Variants in ASMTL observed in about 807,000 individuals in gnomAD.
The protein encoded by ASMTL is acetylserotonin O-methyltransferase like.
In ASMTL, 57 loss-of-function variants were observed where a neutral mutation model predicts 60.3. That is an observed-to-expected ratio of 0.95 (90% CI 0.76 to 1.18). The LOEUF (loss-of-function observed/expected upper bound fraction) is 1.18, where lower values mean the gene tolerates loss of function less well. Ranked by LOEUF, ASMTL falls within the 50% of genes most tolerant of loss-of-function variation. The probability of loss-of-function intolerance (pLI) is 0.00; values close to 1 mark genes in which losing one functional copy is unlikely to be tolerated. For synonymous variants in ASMTL, 419 were observed against 373.0 expected, an observed-to-expected ratio of 1.12 and a Z score of -1.42; for missense variants, 981 against 852.6, an observed-to-expected ratio of 1.15 and a Z score of -1.88.
In ASMTL at chrX:1,423,532, T is replaced by TCATC. The variant is rs1185577583; in HGVS notation, c.1061-1694_1061-1691dup. Among the ~76,000 whole-genome samples the TCATC allele has an allele frequency of 1.6e-4, 25 of 152,088 alleles. 1 individual carries two copies. The highest frequency in any genetic ancestry group is 2.1e-4 in the Non-Finnish European group (14 of 67,950). ...TCTGTTCAATTCAGAAAACACATTG[T>TCATC]CATCCATCCATCCATCCACCCACTC... On this transcript the variant is annotated intron_variant, in intron 8 of 12. Transcript: ENST00000381317.
intron 5 of ASMTL, among the ~76,000 whole-genome samples, chrX:1,432,623 T>C (rs866139354): frequency 3.3e-5 from 5 of 149,450 alleles, no homozygotes. Flanking sequence ...AGGTCAGGAG[T>C]TCGAGACCAT....
At chrX:1,418,902 T>C in intron 10 of ASMTL, 80 bp downstream of exon 10, 1 of 1,565,224 alleles carries the variant, frequency 6.4e-7, no homozygotes, top group Non-Finnish European at 8.8e-7. Flanking sequence ...AAAAGGCAGT[T>C]GGTAGGTGTC....
chrX:1,406,112 G>T (rs1408969488), intron 12 of ASMTL, among the ~76,000 whole-genome samples: 1 of 150,420 alleles, frequency 6.6e-6, no homozygotes, highest in Non-Finnish European at 1.5e-5. Context: ...GGGTAGGTAG[G>T]TAGGTAGATG....
At chrX:1,420,797 C>T (rs1347976424) in intron 9 of ASMTL, among the ~76,000 whole-genome samples, 3 of 152,138 alleles carry the variant, frequency 2.0e-5, no homozygotes, top group African/African-American at 7.2e-5. Flanking sequence ...CCAACTCCTT[C>T]CTATTTCTAT....
intron 8 of ASMTL, among the ~76,000 whole-genome samples, chrX:1,423,162 C>T (rs774795921): frequency 1.3e-5 from 2 of 152,226 alleles, no homozygotes; most frequent in East Asian, 3.9e-4. Flanking sequence ...CCGTGTTAGC[C>T]AGGATGGTCT....
At chrX:1,433,432 G>A (rs1246077711) in intron 5 of ASMTL, among the ~76,000 whole-genome samples, 3 of 149,666 alleles carry the variant, frequency 2.0e-5, no homozygotes, top group African/African-American at 7.4e-5. Flanking sequence ...TTGGGAGGCC[G>A]AGGCGGGCGG....
chrX:1,438,589 C>G (rs1264050672), intron 3 of ASMTL, among the ~76,000 whole-genome samples: 5 of 152,214 alleles, frequency 3.3e-5, no homozygotes, highest in Admixed American at 2.6e-4. Flanking sequence ...TCTCGGCTCA[C>G]TGCAACCCCG....
Position 1,452,893 on chromosome X carries a change from T to G in ASMTL, c.-53A>C. On this transcript the variant is annotated 5_prime_UTR_variant, in exon 1 of 13. Coordinates refer to ENST00000381317, the MANE Select transcript of ASMTL (RefSeq NM_004192.4). ...GCACTTCTGAGCCCGGAGCCCGCGG[T>G]GCGCGCAGCGCGGCTGCAAAAAAAA... 2 of 1,377,794 alleles carry G rather than the reference T, an allele frequency of 1.5e-6. No individual in the cohort carries two copies. The highest frequency in any genetic ancestry group is 2.8e-5 in the East Asian group (1 of 35,194). 85.3% of individuals were successfully genotyped at this position (1,377,794 alleles called of 1,614,324 possible). A position where few individuals can be genotyped will look rare whatever the true frequency, so the allele number is the denominator to read the frequency against.
intron 10 of ASMTL, 137 bp downstream of exon 10, chrX:1,418,845 G>A: frequency 1.8e-6 from 2 of 1,099,494 alleles, no homozygotes; most frequent in Non-Finnish European, 2.6e-6. Flanking sequence ...CCATGATCTG[G>A]GACTCAGCCT....
At chrX:1,449,908 T>C (rs187841568) in intron 1 of ASMTL, among the ~76,000 whole-genome samples, 1 of 123,266 alleles carries the variant, frequency 8.1e-6, no homozygotes. Context: ...ACCCAGTAAC[T>C]ATCCCACCAT....
At chrX:1,433,406 C>T (rs1184334144) in intron 5 of ASMTL, among the ~76,000 whole-genome samples, 9 of 150,342 alleles carry the variant, frequency 6.0e-5, no homozygotes, top group Non-Finnish European at 1.0e-4. Context: ...TGGCTCACGC[C>T]TGTCATCCCA....
intron 3 of ASMTL, among the ~76,000 whole-genome samples, chrX:1,438,408 C>T (rs1258735413): frequency 2.0e-5 from 3 of 152,236 alleles, no homozygotes; most frequent in Admixed American, 2.0e-4. Context: ...TGCCAACAGC[C>T]TCTAGGAGCT....
chrX:1,450,812 C>CA (rs1845440127), intron 1 of ASMTL, among the ~76,000 whole-genome samples: 1 of 146,204 alleles, frequency 6.8e-6, no homozygotes, highest in Non-Finnish European at 1.5e-5. Context: ...TTACTTTCCC[C>CA]ACCCACATCC....
chrX:1,451,981 C>A (rs192791586), intron 1 of ASMTL, among the ~76,000 whole-genome samples: 61 of 148,334 alleles, frequency 4.1e-4, no homozygotes, highest in African/African-American at 1.4e-3. Context: ...ACTCTCCCCA[C>A]CCCCATCGCT....
At chrX:1,445,911 A>C (rs1299235261) in intron 1 of ASMTL, among the ~76,000 whole-genome samples, 2 of 152,040 alleles carry the variant, frequency 1.3e-5, no homozygotes, top group Admixed American at 6.6e-5. Context: ...GGGTCACCAA[A>C]GGGAGTCTCC....
intron 12 of ASMTL, 154 bp from the exon 13 acceptor site, chrX:1,403,643 A>AGGG: frequency 1.6e-6 from 1 of 644,218 alleles, no homozygotes; most frequent in Non-Finnish European, 2.7e-6. Context: ...AGGGGAGGGG[A>AGGG]GAGAGACAGA....
intron 12 of ASMTL, among the ~76,000 whole-genome samples, chrX:1,410,836 C>G (rs5948995): frequency 0.87 from 131,027 of 151,346 alleles, 56,863 homozygotes; most frequent in Middle Eastern, 0.97. Context: ...GCTGCAGTGA[C>G]CTGTGACTGC....
At chrX:1,449,458 C>T (rs1171784524) in intron 1 of ASMTL, among the ~76,000 whole-genome samples, 6 of 151,862 alleles carry the variant, frequency 4.0e-5, no homozygotes, top group Admixed American at 2.6e-4. Context: ...TGTGAGGCAC[C>T]CTGACCACTC....
chrX:1,416,385 GCACA>G (rs761919176), intron 11 of ASMTL, among the ~76,000 whole-genome samples: 86,985 of 122,030 alleles, frequency 0.71, 32,777 homozygotes, highest in South Asian at 0.89. Context: ...GCACAGATGG[GCACA>G]CACACACACG....
Sources: gnomAD v4.1 joint callset for allele counts (sites outside exome capture counted in the v4.1 genomes callset) on GRCh38, gnomAD v4.1.1 for gene constraint, MANE v1.5 for transcripts, NCBI Gene and HGNC (gene_info 2026-07-23, HGNC 2026-07-21) for gene names.